Variants in NXPE3 observed in about 807,000 individuals in gnomAD.
NXPE3 encodes neurexophilin and PC-esterase domain family member 3, also known as NXPE family member 3.
Under a neutral mutation model 46.1 loss-of-function variants are expected in NXPE3, and 26 were observed. The ratio of observed to expected loss-of-function variants is 0.56; its 90% confidence interval spans 0.41 to 0.78. The LOEUF (loss-of-function observed/expected upper bound fraction) is 0.78, where lower values mean the gene tolerates loss of function less well. Among genes scored for constraint, NXPE3 ranks in the 30% least tolerant of loss-of-function variants. NXPE3 has a pLI of 0.00. For missense variants in NXPE3, 620 were observed against 686.0 expected (o/e 0.90, Z 1.07); for synonymous variants, 272 against 257.9 (o/e 1.05, Z -0.52).
At chr3:101,797,380 A>G (rs1005005851) in intron 4 of NXPE3, among the ~76,000 whole-genome samples, 2 of 151,172 alleles carry the variant, frequency 1.3e-5, no homozygotes, top group African/African-American at 2.4e-5. Flanking sequence ...CTTCTAACCT[A>G]CATGGCCTTG....
intron 4 of NXPE3, among the ~76,000 whole-genome samples, chr3:101,788,714 C>A (rs993329029): frequency 2.0e-5 from 3 of 152,170 alleles, no homozygotes; most frequent in Non-Finnish European, 4.4e-5. Flanking sequence ...CTCCCAGATT[C>A]AAGTGATTCT....
rs764131420 is a variant in NXPE3, at chr3:101,801,661, A to G, written c.520A>G (p.Thr174Ala). 2 of 1,614,204 alleles carry G rather than the reference A, an allele frequency of 1.2e-6. No individual in the cohort carries two copies. The highest frequency in any genetic ancestry group is 2.2e-5 in the South Asian group (2 of 91,086). The change falls in exon 5 of 8, where the codon ACT (threonine) becomes GCT (alanine). Residue 174 changes from threonine (T) to alanine (A), a missense_variant. Thr to Ala is a moderately conservative substitution (Grantham distance 58). Coordinates refer to ENST00000273347, the MANE Select transcript of NXPE3 (RefSeq NM_145037.4). Reference protein sequence around the residue: ...YQNGFYKVFFTLLWPGKVKVS... With the variant: ...YQNGFYKVFFALLWPGKVKVS... The stretch of plus-strand genomic sequence containing the variant: ...GAATGGGTTTTACAAGGTTTTCTTT[A>G]CTTTGCTATGGCCAGGCAAAGTTAA...
intron 4 of NXPE3, among the ~76,000 whole-genome samples, chr3:101,799,866 ATATTCCTT>A (rs1421544842): frequency 2.6e-5 from 4 of 152,134 alleles, no homozygotes; most frequent in Non-Finnish European, 5.9e-5. Context: ...ATTGTTCATA[ATATTCCTT>A]TATTCCTTTA....
intron 6 of NXPE3, among the ~76,000 whole-genome samples, chr3:101,810,379 TG>T (rs1941651937): frequency 6.6e-6 from 1 of 152,218 alleles, no homozygotes; most frequent in Admixed American, 6.5e-5. Flanking sequence ...TTTACATTTG[TG>T]TGTATCTTTG....
intron 1 of NXPE3, among the ~76,000 whole-genome samples, chr3:101,780,379 A>G (rs1025371761): frequency 9.9e-5 from 15 of 152,224 alleles, no homozygotes; most frequent in African/African-American, 3.1e-4. Context: ...GGGATAAATC[A>G]CTGAAGTGGG....
intron 4 of NXPE3, among the ~76,000 whole-genome samples, chr3:101,792,815 T>C (rs1051345859): frequency 7.9e-5 from 12 of 152,210 alleles, no homozygotes; most frequent in African/African-American, 2.9e-4. Context: ...TTGTCAGTAG[T>C]TTGCTAGGAA....
At chr3:101,812,214 A>T (rs1048124231) in intron 6 of NXPE3, among the ~76,000 whole-genome samples, 8 of 152,222 alleles carry the variant, frequency 5.3e-5, no homozygotes, top group Admixed American at 3.9e-4. Context: ...TTTTATTTTT[A>T]AAAAATTTAA....
chr3:101,803,887 T>A (rs370826013), intron 5 of NXPE3, among the ~76,000 whole-genome samples: 4 of 152,350 alleles, frequency 2.6e-5, no homozygotes, highest in East Asian at 3.9e-4. Context: ...CCCAAAGGGC[T>A]GGAATTACAG....
intron 4 of NXPE3, among the ~76,000 whole-genome samples, chr3:101,792,175 T>G (rs1477606560): frequency 6.6e-6 from 1 of 152,224 alleles, no homozygotes; most frequent in Non-Finnish European, 1.5e-5. Flanking sequence ...CTTTGTCAGA[T>G]GCATAGTTTG....
intron 4 of NXPE3, among the ~76,000 whole-genome samples, chr3:101,798,317 G>A (rs1359975403): frequency 6.6e-6 from 1 of 152,074 alleles, no homozygotes; most frequent in Non-Finnish European, 1.5e-5. Flanking sequence ...CATGTAAACT[G>A]TTTACAAGAG....
intron 4 of NXPE3, 107 bp from the exon 5 acceptor site, chr3:101,801,128 C>T: frequency 8.4e-7 from 1 of 1,186,342 alleles, no homozygotes; most frequent in Non-Finnish European, 1.2e-6. Context: ...TCTGATTGAG[C>T]TCCTGGAGCT....
At chr3:101,802,343 T>TGTG (rs35295284) in intron 5 of NXPE3, among the ~76,000 whole-genome samples, 45,617 of 151,894 alleles carry the variant, frequency 0.3, 7,110 homozygotes, top group Non-Finnish European at 0.34. Context: ...AAGGGTCAGA[T>TGTG]GTGGTGACTC....
chr3:101,818,742 TATATATA>T (rs1350312148), intron 7 of NXPE3, among the ~76,000 whole-genome samples: 127 of 32,606 alleles, frequency 3.9e-3, no homozygotes, highest in Non-Finnish European at 5.5e-3. Context: ...TATATATATA[TATATATA>T]TATATTTTTT....
chr3:101,785,690 G>A lies in NXPE3; in HGVS notation c.93+1G>A. 1 of 1,609,960 alleles carries A rather than the reference G, an allele frequency of 6.2e-7. No individual in the cohort carries two copies. On this transcript the variant is annotated splice_donor_variant, in intron 4 of 7. Transcript: ENST00000273347. LOFTEE classifies it high-confidence loss of function. ...GGTCATCAATGTTACTCAGGTAGAG[G>A]TGAGTACCCAGTATAATCCCTCATA...
rs1176183289 is a variant in NXPE3, at chr3:101,782,178, G to A, written c.-429G>A. 6.6e-6 allele frequency: 1 copy of A among 152,094 alleles called. No individual in the cohort carries two copies. Among genetic ancestry groups the A allele is most frequent in the African/African-American group, 2.4e-5 (1 of 41,414 alleles). 9.4% of individuals were successfully genotyped at this position (152,094 alleles called of 1,614,324 possible). A position where few individuals can be genotyped will look rare whatever the true frequency, so the allele number is the denominator to read the frequency against. ...TCACATGTGGCATGAAAAAAATGAG[G>A]ACCTCTGGTCAAAATTGCCTGAGTT... On this transcript the variant is annotated 5_prime_UTR_variant, in exon 2 of 8. Coordinates refer to ENST00000273347, the MANE Select transcript of NXPE3 (RefSeq NM_145037.4).
In NXPE3 at chr3:101,821,938, G is replaced by A; in HGVS notation, c.1664G>A (p.Cys555Tyr). 2 of 1,613,064 alleles carry A rather than the reference G, an allele frequency of 1.2e-6. No individual in the cohort carries two copies. The highest frequency in any genetic ancestry group is 1.7e-6 in the Non-Finnish European group (2 of 1,179,104). Residue 555 changes from cysteine (C) to tyrosine (Y), a missense_variant, in exon 8 of 8, where the codon TGC (cysteine) becomes TAC (tyrosine). By Grantham distance (194) the Cys-to-Tyr change is radical (BLOSUM62 -2). Coordinates refer to ENST00000273347, the MANE Select transcript of NXPE3 (RefSeq NM_145037.4). ...NQLDMFLSFV[C>Y]PLET ...CTGGACATGTTCTTGTCCTTTGTGT[G>A]CCCCTTGGAAACCTAGCCTGTCTTG...
chr3:101,784,262 G>C (rs1172423351), intron 3 of NXPE3, among the ~76,000 whole-genome samples: 1 of 152,106 alleles, frequency 6.6e-6, no homozygotes, highest in Non-Finnish European at 1.5e-5. Context: ...TAGTTTGAGA[G>C]ATAAGAAATA....
At chr3:101,788,421 A>G (rs995406178) in intron 4 of NXPE3, among the ~76,000 whole-genome samples, 1 of 152,174 alleles carries the variant, frequency 6.6e-6, no homozygotes, top group African/African-American at 2.4e-5. Flanking sequence ...TTGCCTGTGT[A>G]TTTGGTGTCA....
At chr3:101,803,707 C>A (rs555451086) in intron 5 of NXPE3, among the ~76,000 whole-genome samples, 2 of 152,314 alleles carry the variant, frequency 1.3e-5, no homozygotes, top group Admixed American at 6.5e-5. Flanking sequence ...GCAGCCTCAA[C>A]GTCCCGGGTT....
Sources: allele counts gnomAD v4.1 joint callset (sites outside exome capture counted in the v4.1 genomes callset), GRCh38; gene constraint gnomAD v4.1.1; transcripts MANE v1.5; gene names NCBI Gene and HGNC (gene_info 2026-07-23, HGNC 2026-07-21).